Variants in FAM107B observed in about 807,000 individuals in gnomAD.
The protein encoded by FAM107B is protein FAM107B.
Under a neutral mutation model 31.5 loss-of-function variants are expected in FAM107B, and 21 were observed. That is an observed-to-expected ratio of 0.67 (90% CI 0.47 to 0.96). The LOEUF (loss-of-function observed/expected upper bound fraction) is 0.96. Among genes scored for constraint, FAM107B ranks in the 40% least tolerant of loss-of-function variants. The pLI, the probability that FAM107B is intolerant of heterozygous loss-of-function variation, is 0.00. For missense variants in FAM107B, 452 were observed against 377.1 expected (o/e 1.20, Z -1.64); for synonymous variants, 157 against 141.5 (o/e 1.11, Z -0.78).
At chr10:14,544,683 A>T (rs1226471375) in intron 2 of FAM107B, among the ~76,000 whole-genome samples, 1 of 152,234 alleles carries the variant, frequency 6.6e-6, no homozygotes, top group Non-Finnish European at 1.5e-5. Flanking sequence ...AGACATCAAC[A>T]GAGATGTAGA....
At chr10:14,671,849 C>A (rs1854554573) in intron 1 of FAM107B, among the ~76,000 whole-genome samples, 1 of 141,694 alleles carries the variant, frequency 7.1e-6, no homozygotes, top group African/African-American at 2.7e-5. Flanking sequence ...CCGCATAAGG[C>A]AGCTAATACA....
chr10:14,706,492 T>C (rs1041248535), intron 1 of FAM107B, among the ~76,000 whole-genome samples: 4 of 152,172 alleles, frequency 2.6e-5, no homozygotes, highest in African/African-American at 9.7e-5. Context: ...CCTCCCAAAG[T>C]GTTGGGATAT....
At chr10:14,676,040 C>T (rs1310551051) in intron 1 of FAM107B, among the ~76,000 whole-genome samples, 3 of 152,122 alleles carry the variant, frequency 2.0e-5, no homozygotes, top group African/African-American at 7.2e-5. Context: ...CACCTGTAGT[C>T]CCAGCTACTT....
chr10:14,704,634 A>G (rs1279693473), intron 1 of FAM107B, among the ~76,000 whole-genome samples: 1 of 152,236 alleles, frequency 6.6e-6, no homozygotes, highest in Non-Finnish European at 1.5e-5. Context: ...ATGAGCAAAA[A>G]TATTTGTAAA....
chr10:14,532,908 GC>G (rs1441101594), intron 2 of FAM107B, among the ~76,000 whole-genome samples: 5 of 152,202 alleles, frequency 3.3e-5, no homozygotes, highest in Admixed American at 6.5e-5. Context: ...AGAAGAGCGG[GC>G]CGTGATCAGC....
intron 1 of FAM107B, among the ~76,000 whole-genome samples, chr10:14,737,980 G>A (rs1017909557): frequency 2.6e-5 from 4 of 151,996 alleles, no homozygotes; most frequent in African/African-American, 9.7e-5. Context: ...TCATTCCCCC[G>A]ACACAGCAGC....
At chr10:14,711,592 C>T (rs74879248) in intron 1 of FAM107B, among the ~76,000 whole-genome samples, 11,509 of 152,202 alleles carry the variant, frequency 0.076, 905 homozygotes, top group African/African-American at 0.21. Flanking sequence ...ATGATGTTCA[C>T]GTAATGATGA....
rs1204358042 is a variant in FAM107B at position 14,762,794 on chromosome 10, ACACAC to A, written c.411+11454_411+11458del. On this transcript the variant is annotated intron_variant, in intron 1 of 4. Coordinates refer to ENST00000181796, the MANE Select transcript of FAM107B (RefSeq NM_031453.4). ...CACACACACACACACACACACACAC[ACACAC>A]ACAAAAAGAACATGTCACATTCAAA... 5.6e-3 allele frequency among the ~76,000 whole-genome samples: 844 copies of A among 150,252 alleles called. 12 individuals carry two copies. Among genetic ancestry groups the A allele is most frequent in the African/African-American group, 0.02 (805 of 39,894 alleles).
At chr10:14,704,076 G>T (rs1169495766) in intron 1 of FAM107B, among the ~76,000 whole-genome samples, 1 of 152,170 alleles carries the variant, frequency 6.6e-6, no homozygotes, top group South Asian at 2.1e-4. Context: ...AGCAATCATG[G>T]TTCCCATTCT....
intron 2 of FAM107B, among the ~76,000 whole-genome samples, chr10:14,609,138 G>A (rs1023295723): frequency 3.3e-5 from 5 of 152,162 alleles, no homozygotes; most frequent in Non-Finnish European, 7.4e-5. Flanking sequence ...AACAACAAAC[G>A]CTTTGGGACT....
rs967028099 is a variant in FAM107B at position 14,611,581 on chromosome 10, G to A, written c.469+56053C>T. Among the ~76,000 whole-genome samples, 7 of 148,878 alleles carry A rather than the reference G, an allele frequency of 4.7e-5. No homozygotes were observed. The Admixed American group carries it at 4.7e-4, about 10-fold the overall frequency. On this transcript the variant is annotated intron_variant, in intron 2 of 4. Coordinates refer to ENST00000181796, the MANE Select transcript of FAM107B (RefSeq NM_031453.4). ...AAATAAGTTCATGGAAGAATGGAAG[G>A]AAGGCTAGGCTAGGACTAAAGAGAT...
At chr10:14,625,648 A>G (rs1460897004) in intron 2 of FAM107B, among the ~76,000 whole-genome samples, 1 of 152,192 alleles carries the variant, frequency 6.6e-6, no homozygotes, top group Non-Finnish European at 1.5e-5. Flanking sequence ...ATCTCTTGTT[A>G]GAACTGAGCT....
chr10:14,588,070 G>A (rs11259207), intron 2 of FAM107B, among the ~76,000 whole-genome samples: 27,938 of 151,890 alleles, frequency 0.18, 2,693 homozygotes, highest in East Asian at 0.38. Flanking sequence ...CATATTAATC[G>A]ACGTGACGTT....
chr10:14,548,558 G>A (rs976763055), intron 2 of FAM107B: 14 of 985,336 alleles, frequency 1.4e-5, no homozygotes, highest in Middle Eastern at 5.2e-4. Flanking sequence ...TCTTCTCCTA[G>A]CCCTGCCTCA....
At chr10:14,658,935 A>T (rs1854147183) in intron 2 of FAM107B, among the ~76,000 whole-genome samples, 1 of 152,194 alleles carries the variant, frequency 6.6e-6, no homozygotes, top group South Asian at 2.1e-4. Flanking sequence ...GGTTTCAAAA[A>T]CCAAAACAAA....
At chr10:14,715,496 T>C (rs1855760050) in intron 1 of FAM107B, among the ~76,000 whole-genome samples, 1 of 152,246 alleles carries the variant, frequency 6.6e-6, no homozygotes, top group Admixed American at 6.5e-5. Flanking sequence ...GGTTAATTTC[T>C]TGTGTCAAGT....
chr10:14,525,244 A>C (rs557575067), intron 3 of FAM107B, among the ~76,000 whole-genome samples: 2 of 152,304 alleles, frequency 1.3e-5, no homozygotes, highest in East Asian at 1.9e-4. Context: ...TCTTTAATCA[A>C]TTCTGACATA....
intron 2 of FAM107B, among the ~76,000 whole-genome samples, chr10:14,644,233 A>G (rs1174988329): frequency 2.6e-5 from 4 of 152,242 alleles, no homozygotes; most frequent in Non-Finnish European, 5.9e-5. Flanking sequence ...AATGCTTACT[A>G]TATTCCAGGC....
chr10:14,537,605 C>T (rs755838717), intron 2 of FAM107B, among the ~76,000 whole-genome samples: 2 of 151,950 alleles, frequency 1.3e-5, no homozygotes, highest in South Asian at 2.1e-4. Context: ...TTTGGGAGGC[C>T]GAGGCGGGCG....
Sources: allele counts gnomAD v4.1 joint callset (sites outside exome capture counted in the v4.1 genomes callset), GRCh38; gene constraint gnomAD v4.1.1; transcripts MANE v1.5; gene names NCBI Gene and HGNC (gene_info 2026-07-23, HGNC 2026-07-21).